Variants in DAPK1 observed in about 807,000 individuals in gnomAD.
DAPK1 encodes death associated protein kinase 1, also known as death-associated protein kinase 1.
In DAPK1, 56 loss-of-function variants were observed where a neutral mutation model predicts 144.9. That is an observed-to-expected ratio of 0.39 (90% confidence interval 0.31 to 0.48). The LOEUF is 0.48. Among genes scored for constraint, DAPK1 ranks in the 20% least tolerant of loss-of-function variants. The probability of loss-of-function intolerance (pLI) is 0.95; values close to 1 mark genes in which losing one functional copy is unlikely to be tolerated. For missense variants in DAPK1, 1,454 were observed against 1,875.4 expected (o/e 0.78, Z 4.15); for synonymous variants, 690 against 749.0 (o/e 0.92, Z 1.29).
chr9:87,603,276 A>G (rs1405886928), intron 2 of DAPK1, among the ~76,000 whole-genome samples: 1 of 152,094 alleles, frequency 6.6e-6, no homozygotes, highest in African/African-American at 2.4e-5. Context: ...CCCACAATAG[A>G]GGGAAGGTTT....
At chr9:87,543,014 T>C (rs942329530) in intron 2 of DAPK1, among the ~76,000 whole-genome samples, 9 of 152,356 alleles carry the variant, frequency 5.9e-5, no homozygotes, top group African/African-American at 2.2e-4. Flanking sequence ...CAAATTTTTA[T>C]TGCTTTTGCA....
chr9:87,703,209 A>G lies in DAPK1; in HGVS notation c.3052A>G (p.Thr1018Ala). Residue 1018 changes from threonine (T) to alanine (A), a missense_variant, in exon 25 of 26, where the codon ACA becomes GCA. By Grantham distance (58) the Thr-to-Ala change is moderately conservative (BLOSUM62 0). Coordinates refer to ENST00000408954, the MANE Select transcript of DAPK1 (RefSeq NM_004938.4). Reference sequence around the variant, plus strand: ...GCGCATTGCTCAGCAGCTCCACAGCACAGGCGAGGTGAGCCCCTGGGAGCC... The same window carrying G: ...GCGCATTGCTCAGCAGCTCCACAGCGCAGGCGAGGTGAGCCCCTGGGAGCC... ...LRRIAQQLHS[T>A]GEINIMQSET... The G allele has an allele frequency of 6.2e-7, 1 of 1,607,126 alleles. No homozygotes were observed. Among genetic ancestry groups the G allele is most frequent in the South Asian group, 1.1e-5 (1 of 90,904 alleles).
intron 3 of DAPK1, among the ~76,000 whole-genome samples, chr9:87,630,898 C>T (rs564852848): frequency 2.6e-5 from 4 of 152,242 alleles, no homozygotes; most frequent in African/African-American, 7.2e-5. Flanking sequence ...AAAAGATTTC[C>T]CAAATTATTG....
At chr9:87,689,721 A>G (rs1039014084) in intron 21 of DAPK1, among the ~76,000 whole-genome samples, 5 of 152,100 alleles carry the variant, frequency 3.3e-5, no homozygotes, top group African/African-American at 9.7e-5. Context: ...TCTTCTGCAT[A>G]TGGATATTCT....
intron 2 of DAPK1, among the ~76,000 whole-genome samples, chr9:87,571,015 G>A (rs1032453941): frequency 1.3e-5 from 2 of 152,044 alleles, no homozygotes; most frequent in Admixed American, 6.6e-5. Context: ...TGGAACACGA[G>A]CTTTTTGTTT....
chr9:87,672,169 G>A (rs112666436), intron 19 of DAPK1, among the ~76,000 whole-genome samples: 68 of 152,308 alleles, frequency 4.5e-4, no homozygotes, highest in African/African-American at 1.6e-3. Context: ...TTGGAACCCC[G>A]CAGACCACTC....
At chr9:87,525,106 G>T (rs1005789953) in intron 2 of DAPK1, among the ~76,000 whole-genome samples, 1 of 152,132 alleles carries the variant, frequency 6.6e-6, no homozygotes, top group African/African-American at 2.4e-5. Context: ...GGTCTCCCTG[G>T]GGTCCCTTGT....
intron 2 of DAPK1, among the ~76,000 whole-genome samples, chr9:87,503,194 T>A (rs2118016442): frequency 6.6e-6 from 1 of 152,290 alleles, no homozygotes; most frequent in Middle Eastern, 3.4e-3. Context: ...ACTGAACACC[T>A]ACTAAGTGTG....
In DAPK1 at chr9:87,642,002, G is replaced by T; in HGVS notation, c.862G>T (p.Ala288Ser). 1 of 1,614,008 alleles carries T rather than the reference G, an allele frequency of 6.2e-7. No individual in the cohort carries two copies. The highest frequency in any genetic ancestry group is 8.5e-7 in the Non-Finnish European group (1 of 1,179,966). The change falls in exon 10 of 26, where the codon GCA becomes TCA. Residue 288 changes from alanine (A) to serine (S), a missense_variant. Physicochemically the swap from Ala to Ser is moderately conservative, Grantham distance 99. Around this residue, in one of 2 missense-constraint regions of DAPK1, gnomAD observed 429 missense variants for 637.5 expected, o/e 0.67. Transcript: ENST00000408954. ...TACACAACAGGCACTTAGTAGAAAA[G>T]CATCAGCAGTAAACATGGAGAAATT... ...KDTQQALSRK[A>S]SAVNMEKFKK...
intron 17 of DAPK1, among the ~76,000 whole-genome samples, chr9:87,653,684 TTTATTATCA>T (rs1224739324): frequency 7.2e-6 from 1 of 139,228 alleles, no homozygotes; most frequent in East Asian, 2.3e-4. Flanking sequence ...ATTTATTTTA[TTTATTATCA>T]TTATTATTAT....
chr9:87,586,045 T>A (rs1564008733), intron 2 of DAPK1, among the ~76,000 whole-genome samples: 1 of 152,188 alleles, frequency 6.6e-6, no homozygotes, highest in Non-Finnish European at 1.5e-5. Flanking sequence ...CCCAGCACAT[T>A]GGGAGGCCGA....
At chr9:87,646,882 C>T (rs1384519671) in intron 13 of DAPK1, among the ~76,000 whole-genome samples, 1 of 150,266 alleles carries the variant, frequency 6.7e-6, no homozygotes, top group African/African-American at 2.4e-5. Context: ...TAATTATTCT[C>T]ATCAGAAATT....
At position 87,525,357 on chromosome 9, in the gene DAPK1, G is replaced by T. The variant is rs1264650324; in HGVS notation, c.62+26218G>T. ...CCGCGAAAATTCGGCCAGGGTTCTC[G>T]CTCTTGTTGCGTGTGTTCAAACAAC... On this transcript the variant is annotated intron_variant, in intron 2 of 25. Coordinates refer to ENST00000408954, the MANE Select transcript of DAPK1 (RefSeq NM_004938.4). 2.5e-6 allele frequency: 4 copies of T among 1,611,044 alleles called. No homozygotes were observed. The African/African-American group carries it at 5.3e-5, about 22-fold the overall frequency.
intron 2 of DAPK1, among the ~76,000 whole-genome samples, chr9:87,506,065 A>G (rs1824578989): frequency 6.6e-6 from 1 of 152,220 alleles, no homozygotes; most frequent in Non-Finnish European, 1.5e-5. Flanking sequence ...GTGTTTAGAC[A>G]GGTCAAGTGG....
intron 2 of DAPK1, among the ~76,000 whole-genome samples, chr9:87,547,626 T>C (rs1348811527): frequency 6.6e-6 from 1 of 150,798 alleles, no homozygotes; most frequent in Non-Finnish European, 1.5e-5. Flanking sequence ...GAGGAGGGGA[T>C]TGATTTTAAG....
At chr9:87,643,106 T>G (rs1251645922) in intron 10 of DAPK1, among the ~76,000 whole-genome samples, 1 of 152,192 alleles carries the variant, frequency 6.6e-6, no homozygotes, top group African/African-American at 2.4e-5. Context: ...TCCAGCTCTG[T>G]AGTTCAATAA....
intron 3 of DAPK1, among the ~76,000 whole-genome samples, chr9:87,622,266 T>A (rs1457606779): frequency 5.9e-5 from 9 of 152,006 alleles, no homozygotes. Context: ...CAATGCCCAG[T>A]GTTGGGGTAG....
At chr9:87,567,414 G>T (rs1016656942) in intron 2 of DAPK1, among the ~76,000 whole-genome samples, 7 of 152,164 alleles carry the variant, frequency 4.6e-5, no homozygotes, top group Middle Eastern at 6.8e-3. Flanking sequence ...GGAATGGGGC[G>T]TGGGGAAGAA....
chr9:87,549,308 T>C (rs1359198167), intron 2 of DAPK1, among the ~76,000 whole-genome samples: 1 of 152,224 alleles, frequency 6.6e-6, no homozygotes, highest in Non-Finnish European at 1.5e-5. Context: ...CCATGTTGTA[T>C]ATGTACCACA....
Sources: allele counts gnomAD v4.1 joint callset (sites outside exome capture counted in the v4.1 genomes callset), GRCh38; gene constraint gnomAD v4.1.1; regional missense constraint gnomAD v4.1.1; transcripts MANE v1.5; gene names NCBI Gene and HGNC (gene_info 2026-07-23, HGNC 2026-07-21).